Variants in NRG3 observed in about 807,000 individuals in gnomAD.
NRG3 encodes neuregulin 3.
A neutral mutation model predicts 66.9 loss-of-function variants in NRG3; 31 were observed. The observed-to-expected ratio is 0.46, with a 90% CI of 0.35 to 0.63. The LOEUF (loss-of-function observed/expected upper bound fraction) is 0.63, where lower values mean the gene tolerates loss of function less well. Among genes scored for constraint, NRG3 ranks in the 20% least tolerant of loss-of-function variants. The pLI, the probability that NRG3 is intolerant of heterozygous loss-of-function variation, is 0.00. For synonymous variants in NRG3, 393 were observed against 359.4 expected (o/e 1.09, Z -1.06); for missense variants, 910 against 878.9 (o/e 1.04, Z -0.45).
intron 1 of NRG3, among the ~76,000 whole-genome samples, chr10:82,337,994 C>T (rs2082478253): frequency 6.6e-6 from 1 of 152,174 alleles, no homozygotes; most frequent in Non-Finnish European, 1.5e-5. Context: ...ATCCGCACGC[C>T]TTCCCTTTGT....
rs568723131 is a variant in NRG3, at chr10:82,418,385, A to C, written c.953+59517A>C. 8.9e-5 allele frequency among the ~76,000 whole-genome samples: 13 copies of C among 145,890 alleles called. No individual in the cohort carries two copies. The South Asian group carries it at 2.8e-3, about 31-fold the overall frequency. Reference sequence around the variant, plus strand: ...CCAAAGATGTAATAAAAAATTAACCAGTTTATGCAAATGTTTATGCAAATT... The same window carrying C: ...CCAAAGATGTAATAAAAAATTAACCCGTTTATGCAAATGTTTATGCAAATT... On this transcript the variant is annotated intron_variant, in intron 2 of 8. Transcript: ENST00000372141.
intron 2 of NRG3, among the ~76,000 whole-genome samples, chr10:82,411,309 G>A (rs142497988): frequency 2.5e-3 from 385 of 152,244 alleles, no homozygotes; most frequent in African/African-American, 8.8e-3. Flanking sequence ...GGAAAGATAG[G>A]ACAGGTGGAA....
At chr10:82,880,178 G>A (rs1041135984) in intron 4 of NRG3, among the ~76,000 whole-genome samples, 1 of 151,892 alleles carries the variant, frequency 6.6e-6, no homozygotes, top group Non-Finnish European at 1.5e-5. Context: ...AAGTTACCAG[G>A]GATCTTAAAT....
At chr10:82,009,568 C>T (rs997135002) in intron 1 of NRG3, among the ~76,000 whole-genome samples, 2 of 152,078 alleles carry the variant, frequency 1.3e-5, no homozygotes, top group East Asian at 1.9e-4. Flanking sequence ...TTTCTTAGTG[C>T]GTTAAAGATA....
chr10:82,976,216 G>A (rs747147548), intron 7 of NRG3, among the ~76,000 whole-genome samples: 13 of 151,800 alleles, frequency 8.6e-5, no homozygotes, highest in Non-Finnish European at 1.3e-4. Flanking sequence ...CTACCATGCC[G>A]GGCTAATTTT....
At chr10:82,246,762 AAGG>A (rs1253819616) in intron 1 of NRG3, among the ~76,000 whole-genome samples, 1 of 149,894 alleles carries the variant, frequency 6.7e-6, no homozygotes, top group African/African-American at 2.4e-5. Context: ...TGGTATTTAG[AAGG>A]AGTTTTTTTT....
chr10:82,811,962 C>G (rs2061507551), intron 3 of NRG3, among the ~76,000 whole-genome samples: 1 of 152,198 alleles, frequency 6.6e-6, no homozygotes, highest in South Asian at 2.1e-4. Context: ...CAGAGCTTGG[C>G]AAGCATGTTG....
At chr10:82,590,563 C>T (rs751306977) in intron 2 of NRG3, among the ~76,000 whole-genome samples, 2 of 152,076 alleles carry the variant, frequency 1.3e-5, no homozygotes, top group African/African-American at 2.4e-5. Context: ...GAATCTCAGT[C>T]CCCCTGCTCC....
rs547755176 is a variant in NRG3, at chr10:82,896,354, T to C, written c.1054+30917T>C. Among the ~76,000 whole-genome samples, 5 of 152,194 alleles carry C rather than the reference T, an allele frequency of 3.3e-5. 1 individual carries two copies. The South Asian group carries it at 8.3e-4, about 25-fold the overall frequency. ...ACTTGGTGGAACCAGGCTCCAAGCC[T>C]GTCTGATTTTATAGCTACTGAACTT... On this transcript the variant is annotated intron_variant, in intron 4 of 8. Coordinates refer to ENST00000372141, the MANE Select transcript of NRG3 (RefSeq NM_001010848.4).
At chr10:81,919,055 T>C (rs1845998314) in intron 1 of NRG3, among the ~76,000 whole-genome samples, 2 of 152,020 alleles carry the variant, frequency 1.3e-5, no homozygotes, top group Non-Finnish European at 2.9e-5. Context: ...CCCTCCTGTT[T>C]CCATTGTGTT....
intron 1 of NRG3, among the ~76,000 whole-genome samples, chr10:81,985,483 A>G (rs2060484894): frequency 6.6e-6 from 1 of 152,212 alleles, no homozygotes; most frequent in African/African-American, 2.4e-5. Context: ...TTAAGTCTAT[A>G]ATCGCTATCA....
At chr10:82,847,555 G>T (rs138509414) in intron 3 of NRG3, among the ~76,000 whole-genome samples, 1 of 152,148 alleles carries the variant, frequency 6.6e-6, no homozygotes, top group Non-Finnish European at 1.5e-5. Context: ...AATTAAATGC[G>T]AATATCTTTT....
chr10:81,988,675 T>C (rs2060619016), intron 1 of NRG3, among the ~76,000 whole-genome samples: 1 of 152,108 alleles, frequency 6.6e-6, no homozygotes, highest in African/African-American at 2.4e-5. Context: ...TGTATAGTAT[T>C]CGTGGTAGAG....
intron 1 of NRG3, among the ~76,000 whole-genome samples, chr10:81,923,484 C>G (rs1296448638): frequency 6.6e-6 from 1 of 152,202 alleles, no homozygotes; most frequent in South Asian, 2.1e-4. Flanking sequence ...GGATTACAGG[C>G]GTGAGCCACC....
At chr10:82,013,812 A>G (rs961033893) in intron 1 of NRG3, among the ~76,000 whole-genome samples, 6 of 152,186 alleles carry the variant, frequency 3.9e-5, no homozygotes, top group Non-Finnish European at 7.3e-5. Flanking sequence ...CTGTTAAAAT[A>G]TATTCAATTC....
At chr10:82,216,494 A>G (rs577364215) in intron 1 of NRG3, among the ~76,000 whole-genome samples, 1 of 147,884 alleles carries the variant, frequency 6.8e-6, no homozygotes, top group African/African-American at 2.5e-5. Context: ...ATGTGTCTCT[A>G]TCTATACATA....
chr10:82,808,962 G>A (rs531862905), intron 3 of NRG3, among the ~76,000 whole-genome samples: 2 of 152,294 alleles, frequency 1.3e-5, no homozygotes, highest in East Asian at 3.9e-4. Context: ...TGAGCCTTGA[G>A]GAATAATGGC....
At chr10:82,197,372 C>T (rs2074505556) in intron 1 of NRG3, among the ~76,000 whole-genome samples, 2 of 152,118 alleles carry the variant, frequency 1.3e-5, no homozygotes, top group African/African-American at 4.8e-5. Flanking sequence ...AGTACAAAGG[C>T]TCCAGGGTGC....
chr10:82,021,470 T>G (rs563178806), intron 1 of NRG3, among the ~76,000 whole-genome samples: 2 of 152,156 alleles, frequency 1.3e-5, no homozygotes, highest in South Asian at 2.1e-4. Context: ...TCTTAGCAAT[T>G]AACAGAAGTT....
Sources: gnomAD v4.1 joint callset for allele counts (sites outside exome capture counted in the v4.1 genomes callset) on GRCh38, gnomAD v4.1.1 for gene constraint, MANE v1.5 for transcripts, NCBI Gene and HGNC (gene_info 2026-07-23, HGNC 2026-07-21) for gene names.